TNN: variants seen among roughly 807,000 people sequenced by gnomAD.
TNN encodes the protein tenascin-N.
In TNN, 122 loss-of-function variants were observed where a neutral mutation model predicts 134.4. The ratio of observed to expected loss-of-function variants is 0.91; its 90% CI spans 0.78 to 1.06. The LOEUF is 1.06. Ranked by LOEUF, TNN falls within the 50% of genes least tolerant of loss-of-function variation. TNN has a pLI of 0.00. For missense variants in TNN, 1,739 were observed against 1,699.4 expected, an observed-to-expected ratio of 1.02 and a Z score of -0.41; for synonymous variants, 710 against 670.3, an observed-to-expected ratio of 1.06 and a Z score of -0.91.
chr1:175,078,803 T>C (rs1674116045), intron 2 of TNN, among the ~76,000 whole-genome samples: 1 of 152,100 alleles, frequency 6.6e-6, no homozygotes, highest in African/African-American at 2.4e-5. Flanking sequence ...TAGTTGAGAG[T>C]AGGCTATTTT....
At chr1:175,092,346 C>A (rs1017189844) in intron 6 of TNN, among the ~76,000 whole-genome samples, 4 of 152,128 alleles carry the variant, frequency 2.6e-5, no homozygotes, top group African/African-American at 9.7e-5. Context: ...ACAGTGGGTG[C>A]CTGCATCCTA....
Position 175,128,641 on chromosome 1 carries a change from G to A in TNN, c.3225G>A (p.Gln1075=). Residue 1075 remains glutamine (Q), a synonymous_variant, in exon 15 of 19, where the codon CAG becomes CAA. Coordinates refer to ENST00000239462, the MANE Select transcript of TNN (RefSeq NM_022093.2). ...CTTCGGACTGCAGTCAGGTTCAGCAGAACAGCAATGCCGCCAGTGGTCTGT... is the reference window on the plus strand; with the variant it reads ...CTTCGGACTGCAGTCAGGTTCAGCAAAACAGCAATGCCGCCAGTGGTCTGT... The part of the protein sequence containing the change: ...PHPSDCSQVQ[Q]NSNAASGLYT... The A allele has an allele frequency of 6.2e-7, 1 of 1,613,980 alleles. No individual in the cohort carries two copies.
At chr1:175,091,558 T>TA (rs1674445845) in intron 6 of TNN, among the ~76,000 whole-genome samples, 15 of 48,216 alleles carry the variant, frequency 3.1e-4, no homozygotes, top group African/African-American at 1.1e-3. Context: ...TTATTTATTA[T>TA]TTTTATTTAT....
At chr1:175,118,401 G>A (rs1675244020) in intron 10 of TNN, among the ~76,000 whole-genome samples, 160 bp from the exon 11 acceptor site, 1 of 152,154 alleles carries the variant, frequency 6.6e-6, no homozygotes, top group African/African-American at 2.4e-5. Flanking sequence ...TATCTTGGGG[G>A]AGAAGATGAT....
Position 175,080,350 on chromosome 1 carries a change from A to C in TNN, c.972A>C (p.Gly324=), listed in dbSNP as rs1449068668. Residue 324 remains glycine, a synonymous_variant, in exon 4 of 19, where the codon GGA becomes GGC. Coordinates refer to ENST00000239462, the MANE Select transcript of TNN (RefSeq NM_022093.2). ...ATGAGATTCTTGGTTTGCTGCCTGG[A>C]ACCAAGTACATAGTCACCCTGCGTA... is the stretch of plus-strand genomic sequence containing the variant. The part of the protein sequence containing the change: ...HSYEILGLLP[G]TKYIVTLRNV... The C allele has an allele frequency of 6.2e-7, 1 of 1,613,992 alleles. No individual in the cohort carries two copies. The highest frequency in any genetic ancestry group is 1.3e-5 in the African/African-American group (1 of 74,908).
intron 9 of TNN, among the ~76,000 whole-genome samples, chr1:175,108,653 C>T (rs1674931061): frequency 6.6e-6 from 1 of 152,254 alleles, no homozygotes; most frequent in African/African-American, 2.4e-5. Flanking sequence ...CGCCGGTGGG[C>T]TGGCACTGCT....
chr1:175,085,438 T>G lies in TNN; in HGVS notation c.1268T>G (p.Val423Gly), dbSNP rs754618807. 8.7e-6 allele frequency: 14 copies of G among 1,612,976 alleles called. No homozygotes were observed. Among genetic ancestry groups the G allele is most frequent in the Admixed American group, 1.7e-5 (1 of 59,928 alleles). ...CCGGGGACTGAGTATAAGATCACGGTGGTGCCCATGAGAGGAGAGCTGGAG... is the reference window on the plus strand; with the variant it reads ...CCGGGGACTGAGTATAAGATCACGGGGGTGCCCATGAGAGGAGAGCTGGAG... ...LHPGTEYKIT[V>G]VPMRGELEGK... Residue 423 changes from valine to glycine, a missense_variant, in exon 6 of 19, where the codon GTG becomes GGG. By Grantham distance (109) the Val-to-Gly change is moderately radical. Coordinates refer to ENST00000239462, the MANE Select transcript of TNN (RefSeq NM_022093.2).
At chr1:175,142,962 C>T (rs572605802) in intron 17 of TNN, among the ~76,000 whole-genome samples, 6 of 152,294 alleles carry the variant, frequency 3.9e-5, no homozygotes, top group Non-Finnish European at 7.4e-5. Flanking sequence ...TGCTGCTGGT[C>T]TGGGAACCCC....
chr1:175,075,849 A>G (rs1038721156), intron 1 of TNN, among the ~76,000 whole-genome samples: 2 of 152,152 alleles, frequency 1.3e-5, no homozygotes, highest in East Asian at 3.9e-4. Context: ...CCTTTCCACC[A>G]TATCCCAACT....
rs1674258054 is a variant in TNN at position 175,083,856 on chromosome 1, T to C, written c.1155T>C (p.Tyr385=). The change falls in exon 5 of 19, where the codon TAT becomes TAC. Residue 385 remains tyrosine (Y), a synonymous_variant. Coordinates refer to ENST00000239462, the MANE Select transcript of TNN (RefSeq NM_022093.2). ...AGGTGGACTACTACAAGCTGCGATA[T>C]GGCCCCATGACAGGACAGGAGGTAG... ...STEVDYYKLR[Y]GPMTGQEVAE... The C allele has an allele frequency of 6.2e-7, 1 of 1,614,156 alleles. No individual in the cohort carries two copies. Among genetic ancestry groups the C allele is most frequent in the Non-Finnish European group, 8.5e-7 (1 of 1,180,008 alleles).
Position 175,067,850 on chromosome 1 carries a change from C to T in TNN, c.-121C>T, listed in dbSNP as rs1425763701. The stretch of plus-strand genomic sequence containing the variant: ...GCCAAGGAGAGACGAGAACCAGGGA[C>T]GACCAGCAAGTACCAAGGTCTGCGG... On this transcript the variant is annotated 5_prime_UTR_variant, in exon 1 of 19. The change creates a new upstream start codon in the 5' untranslated region. Transcript: ENST00000239462. 1.0e-5 allele frequency: 5 copies of T among 498,320 alleles called. No homozygotes were observed. Among genetic ancestry groups the T allele is most frequent in the East Asian group, 5.8e-5 (1 of 17,342 alleles). The allele number at this position is 498,320 out of a possible 1,614,324, so 30.9% of individuals were successfully genotyped here. A position where few individuals can be genotyped will look rare whatever the true frequency, so the allele number is the denominator to read the frequency against.
intron 15 of TNN, among the ~76,000 whole-genome samples, chr1:175,130,066 T>C (rs1364665924): frequency 6.6e-6 from 1 of 152,214 alleles, no homozygotes; most frequent in African/African-American, 2.4e-5. Flanking sequence ...TTTTTGAGGG[T>C]TGCAATCTGA....
chr1:175,083,760 G>A lies in TNN; in HGVS notation c.1059G>A (p.Val353=), dbSNP rs115100168. 5 of 1,614,060 alleles carry A rather than the reference G, an allele frequency of 3.1e-6. No homozygotes were observed. The highest frequency in any genetic ancestry group is 1.1e-5 in the South Asian group (1 of 91,072). ...QHLLATTDLA[V]LGTAWVTDET... ...TCACCCCTGCCCTAGACCTTGCTGT[G>A]CTTGGCACTGCCTGGGTGACAGATG... The change falls in exon 5 of 19, where the codon GTG becomes GTA. Residue 353 remains valine, a synonymous_variant. Transcript: ENST00000239462.
At chr1:175,068,398 T>C (rs1418339670) in intron 1 of TNN, among the ~76,000 whole-genome samples, 2 of 152,226 alleles carry the variant, frequency 1.3e-5, no homozygotes, top group East Asian at 1.9e-4. Context: ...ATTTTAGTTA[T>C]GATTAGGAAG....
Position 175,097,631 on chromosome 1 carries a change from G to A in TNN, c.1803G>A (p.Trp601Ter), listed in dbSNP as rs1437190931. The A allele has an allele frequency of 1.9e-6, 3 of 1,614,188 alleles. No individual in the cohort carries two copies. The highest frequency in any genetic ancestry group is 2.5e-6 in the Non-Finnish European group (3 of 1,180,036). The stretch of plus-strand genomic sequence containing the variant: ...GTGTGGAGTACACAGTGCATGTCTG[G>A]GCCCAGAAGGGGGACCGAGAGAGCA... Reference protein sequence around the residue: ...RPGVEYTVHVWAQKGDRESKK... With the variant: ...RPGVEYTVHV Residue 601 changes from tryptophan (W) to a stop codon, truncating the protein, a stop_gained, in exon 8 of 19, where the codon TGG (tryptophan) becomes TGA (stop). Coordinates refer to ENST00000239462, the MANE Select transcript of TNN (RefSeq NM_022093.2). LOFTEE classifies it high-confidence loss of function.
At chr1:175,121,730 G>T (rs1219933313) in intron 11 of TNN, among the ~76,000 whole-genome samples, 1 of 152,172 alleles carries the variant, frequency 6.6e-6, no homozygotes, top group Non-Finnish European at 1.5e-5. Flanking sequence ...TAGATGTGGG[G>T]TAGGAAGAAA....
At chr1:175,069,063 G>A (rs1345842018) in intron 1 of TNN, among the ~76,000 whole-genome samples, 1 of 152,134 alleles carries the variant, frequency 6.6e-6, no homozygotes. Context: ...TTAAAAGCAT[G>A]AAACCTGTGT....
intron 11 of TNN, among the ~76,000 whole-genome samples, chr1:175,119,900 A>G (rs1675305694): frequency 6.6e-6 from 1 of 152,088 alleles, no homozygotes; most frequent in Admixed American, 6.6e-5. Flanking sequence ...GGCCTCCCAA[A>G]GTGCTGGGAT....
chr1:175,123,647 C>T lies in TNN; in HGVS notation c.2898C>T (p.Asp966=), dbSNP rs143110228. The change falls in exon 12 of 19, where the codon GAC becomes GAT. Residue 966 remains aspartate, a synonymous_variant. Coordinates refer to ENST00000239462, the MANE Select transcript of TNN (RefSeq NM_022093.2). ...QKGAQESKKA[D]TKAQTELDPP... ...GGGCCCAGGAGAGCAAGAAGGCTGACACCAAGGCCCAGACAGGTACTGAGA... is the reference window on the plus strand; with the variant it reads ...GGGCCCAGGAGAGCAAGAAGGCTGATACCAAGGCCCAGACAGGTACTGAGA... The T allele has an allele frequency of 4.3e-5, 69 of 1,614,204 alleles. No homozygotes were observed. In the African/African-American group the frequency reaches 7.9e-4, roughly 18 times the overall value.
Sources: gnomAD v4.1 joint callset for allele counts (sites outside exome capture counted in the v4.1 genomes callset) on GRCh38, gnomAD v4.1.1 for gene constraint, MANE v1.5 for transcripts, NCBI Gene and HGNC (gene_info 2026-07-23, HGNC 2026-07-21) for gene names.